FSTL5: variants seen among roughly 807,000 people sequenced by gnomAD.
FSTL5 encodes follistatin-related protein 5.
In FSTL5, 62 loss-of-function variants were observed where a neutral mutation model predicts 89.1. The ratio of observed to expected loss-of-function variants is 0.70; its 90% CI spans 0.57 to 0.86. The LOEUF (loss-of-function observed/expected upper bound fraction) is 0.86, where lower values mean the gene tolerates loss of function less well. FSTL5 is among the 40% of genes least tolerant of loss of function. The pLI is 0.00. For synonymous variants in FSTL5, 383 were observed against 346.2 expected (o/e 1.11, Z -1.18); for missense variants, 1,057 against 1,001.6 (o/e 1.06, Z -0.75).
intron 3 of FSTL5, among the ~76,000 whole-genome samples, chr4:161,955,491 T>C (rs973165855): frequency 1.3e-5 from 2 of 151,880 alleles, no homozygotes; most frequent in African/African-American, 4.8e-5. Context: ...GCAGTATCAG[T>C]ATATCCAATA....
chr4:161,961,643 T>C (rs571601509), intron 3 of FSTL5, among the ~76,000 whole-genome samples: 2 of 151,816 alleles, frequency 1.3e-5, no homozygotes, highest in East Asian at 3.9e-4. Flanking sequence ...TTCTTTAAAA[T>C]TAGACATTCT....
chr4:161,419,073 C>T (rs963642322), intron 15 of FSTL5, among the ~76,000 whole-genome samples: 1 of 152,158 alleles, frequency 6.6e-6, no homozygotes, highest in Non-Finnish European at 1.5e-5. Context: ...TTCTCAATCA[C>T]ATTTCAATCT....
intron 5 of FSTL5, among the ~76,000 whole-genome samples, chr4:161,766,785 GCACTT>G (rs1035254759): frequency 6.6e-6 from 1 of 152,072 alleles, no homozygotes; most frequent in Non-Finnish European, 1.5e-5. Context: ...GGCTGTATAG[GCACTT>G]CTGGATTATT....
chr4:161,565,320 C>T (rs1049236282), intron 8 of FSTL5, among the ~76,000 whole-genome samples: 2 of 151,672 alleles, frequency 1.3e-5, no homozygotes, highest in African/African-American at 4.8e-5. Flanking sequence ...GCATTAAATT[C>T]TTAGAAGTAG....
chr4:161,834,348 C>G (rs181332224), intron 4 of FSTL5, among the ~76,000 whole-genome samples: 1 of 152,212 alleles, frequency 6.6e-6, no homozygotes, highest in Admixed American at 6.5e-5. Context: ...CAATATCATA[C>G]TGAATGGGCA....
At chr4:161,838,036 T>C (rs1398568562) in intron 4 of FSTL5, among the ~76,000 whole-genome samples, 2 of 152,194 alleles carry the variant, frequency 1.3e-5, no homozygotes, top group East Asian at 3.8e-4. Context: ...GTATTTCTTC[T>C]ATTTTGACAA....
intron 6 of FSTL5, among the ~76,000 whole-genome samples, chr4:161,675,155 C>A (rs559693879): frequency 6.6e-6 from 1 of 152,034 alleles, no homozygotes; most frequent in African/African-American, 2.4e-5. Context: ...AACTAAAAAA[C>A]GTAACAATTG....
In FSTL5 at chr4:161,705,970, AT is replaced by A. The variant is rs1738561193; in HGVS notation, c.728-49477del. Reference sequence around the variant, plus strand: ...GATGTGTGTATATATATATATATATATATATATATATATATATATATATATA... The same window carrying A: ...GATGTGTGTATATATATATATATATAATATATATATATATATATATATATA... On this transcript the variant is annotated intron_variant, in intron 6 of 15. Coordinates refer to ENST00000306100, the MANE Select transcript of FSTL5 (RefSeq NM_020116.5). 2.6e-5 allele frequency among the ~76,000 whole-genome samples: 2 copies of A among 77,466 alleles called. 1 individual carries two copies. The highest frequency in any genetic ancestry group is 4.9e-5 in the Non-Finnish European group (2 of 40,568). The allele number at this position is 77,466 out of a possible 152,430, so 50.8% of individuals were successfully genotyped here. A position where few individuals can be genotyped will look rare whatever the true frequency, so the allele number is the denominator to read the frequency against.
intron 6 of FSTL5, among the ~76,000 whole-genome samples, chr4:161,753,423 G>A (rs1740465000): frequency 6.6e-6 from 1 of 152,062 alleles, no homozygotes; most frequent in African/African-American, 2.4e-5. Context: ...ACCAATTCAA[G>A]TTAATTCTGT....
At chr4:161,818,677 A>G (rs1730403453) in intron 4 of FSTL5, among the ~76,000 whole-genome samples, 1 of 152,166 alleles carries the variant, frequency 6.6e-6, no homozygotes, top group African/African-American at 2.4e-5. Context: ...TTCCCGTTTC[A>G]ATAATACTTT....
intron 2 of FSTL5, among the ~76,000 whole-genome samples, chr4:162,061,071 AC>A (rs1412649711): frequency 6.6e-6 from 1 of 152,094 alleles, no homozygotes; most frequent in Non-Finnish European, 1.5e-5. Context: ...TGTATATTTA[AC>A]TTTATTTTTT....
chr4:161,752,652 T>G (rs1006357220), intron 6 of FSTL5, among the ~76,000 whole-genome samples: 1 of 152,192 alleles, frequency 6.6e-6, no homozygotes. Context: ...TAGTAAAATG[T>G]CATGGTGGTG....
intron 3 of FSTL5, among the ~76,000 whole-genome samples, chr4:161,972,220 T>C (rs1213198985): frequency 6.6e-6 from 1 of 152,080 alleles, no homozygotes; most frequent in Non-Finnish European, 1.5e-5. Flanking sequence ...GCCTCACGAA[T>C]AGCTGGGATT....
At chr4:161,708,638 AC>A (rs1445040047) in intron 6 of FSTL5, among the ~76,000 whole-genome samples, 4 of 152,140 alleles carry the variant, frequency 2.6e-5, no homozygotes, top group Non-Finnish European at 5.9e-5. Context: ...TTAAAAAAAA[AC>A]TTTCATTTTA....
intron 15 of FSTL5, among the ~76,000 whole-genome samples, chr4:161,389,829 A>C (rs1360672659): frequency 2.0e-5 from 3 of 152,158 alleles, no homozygotes; most frequent in Non-Finnish European, 4.4e-5. Context: ...ATTATTAATC[A>C]CATAAAACAT....
intron 4 of FSTL5, among the ~76,000 whole-genome samples, chr4:161,905,244 T>C: frequency 6.6e-6 from 1 of 152,300 alleles, no homozygotes; most frequent in Non-Finnish European, 1.5e-5. Context: ...TTAATTTATA[T>C]ACAATTTCAT....
intron 3 of FSTL5, among the ~76,000 whole-genome samples, chr4:162,024,698 A>G (rs1737214491): frequency 6.6e-6 from 1 of 152,036 alleles, no homozygotes; most frequent in Non-Finnish European, 1.5e-5. Context: ...GTCACATTCT[A>G]TTACCCAGGC....
At chr4:162,014,522 T>C (rs990662807) in intron 3 of FSTL5, among the ~76,000 whole-genome samples, 29 of 149,978 alleles carry the variant, frequency 1.9e-4, no homozygotes, top group African/African-American at 6.3e-4. Context: ...TTCAAGAATT[T>C]CCTGTGCCTT....
intron 4 of FSTL5, among the ~76,000 whole-genome samples, chr4:161,898,772 G>T (rs962104729): frequency 1.3e-5 from 2 of 151,764 alleles, no homozygotes; most frequent in Non-Finnish European, 2.9e-5. Flanking sequence ...TGGGACTACA[G>T]GCGCCCGCCA....
Sources: gnomAD v4.1 joint callset for allele counts (sites outside exome capture counted in the v4.1 genomes callset) on GRCh38, gnomAD v4.1.1 for gene constraint, MANE v1.5 for transcripts, NCBI Gene and HGNC (gene_info 2026-07-23, HGNC 2026-07-21) for gene names.